Variants in PDE4B observed in about 807,000 individuals in gnomAD.
The protein encoded by PDE4B is phosphodiesterase 4B.
PDE4B carries 20 observed loss-of-function variants against 82.2 expected under a neutral mutation model. That is an observed-to-expected ratio of 0.24 (90% CI 0.17 to 0.35). The LOEUF (loss-of-function observed/expected upper bound fraction) is 0.35, where lower values mean the gene tolerates loss of function less well. PDE4B is among the 10% of genes least tolerant of loss of function. The pLI, the probability that PDE4B is intolerant of heterozygous loss-of-function variation, is 1.00. For synonymous variants in PDE4B, 320 were observed against 318.9 expected (o/e 1.00, Z -0.04); for missense variants, 655 against 907.2 (o/e 0.72, Z 3.57).
chr1:65,956,634 G>A (rs2100585271), intron 3 of PDE4B, among the ~76,000 whole-genome samples: 1 of 152,194 alleles, frequency 6.6e-6, no homozygotes, highest in East Asian at 1.9e-4. Context: ...AAATGTTCGC[G>A]AAATACGTGA....
chr1:66,269,575 A>G (rs1436058090), intron 7 of PDE4B, among the ~76,000 whole-genome samples: 1 of 152,242 alleles, frequency 6.6e-6, no homozygotes, highest in African/African-American at 2.4e-5. Context: ...TCACCTGTAC[A>G]TATTCACAAC....
At chr1:66,002,885 A>G (rs1651940920) in intron 3 of PDE4B, among the ~76,000 whole-genome samples, 1 of 152,306 alleles carries the variant, frequency 6.6e-6, no homozygotes, top group East Asian at 1.9e-4. Flanking sequence ...AATTTAAAAA[A>G]TATCTACCTA....
intron 1 of PDE4B, among the ~76,000 whole-genome samples, chr1:65,824,625 A>T (rs1645993383): frequency 6.7e-6 from 1 of 149,658 alleles, no homozygotes; most frequent in Non-Finnish European, 1.5e-5. Flanking sequence ...ATATATATAC[A>T]CATATATATT....
Position 66,372,485 on chromosome 1 carries a change from G to T in PDE4B, c.2018G>T (p.Gly673Val), listed in dbSNP as rs765556618. 3 of 1,614,014 alleles carry T rather than the reference G, an allele frequency of 1.9e-6. No homozygotes were observed. The East Asian group carries it at 6.7e-5, about 36-fold the overall frequency. The change falls in exon 17 of 17, where the codon GGT (glycine) becomes GTT (valine). Residue 673 changes from glycine to valine, a missense_variant. Around this residue, in one of 3 missense-constraint regions of PDE4B, gnomAD observed 119 missense variants for 115.2 expected, o/e 1.03. Coordinates refer to ENST00000341517, the MANE Select transcript of PDE4B (RefSeq NM_002600.4). The part of the protein sequence containing the change: ...PLDEQNRDCQ[G>V]LMEKFQFELT... ...GACGAGCAGAACAGGGACTGCCAGGGTCTGATGGAGAAGTTTCAGTTTGAA... is the reference window on the plus strand; with the variant it reads ...GACGAGCAGAACAGGGACTGCCAGGTTCTGATGGAGAAGTTTCAGTTTGAA...
chr1:66,265,703 T>C (rs1247276500), intron 6 of PDE4B, among the ~76,000 whole-genome samples: 1 of 152,208 alleles, frequency 6.6e-6, no homozygotes. Context: ...GCATTTCGAG[T>C]GATGCCTGAG....
At chr1:65,917,141 C>T (rs747891293) in intron 2 of PDE4B, among the ~76,000 whole-genome samples, 4 of 152,026 alleles carry the variant, frequency 2.6e-5, no homozygotes, top group Admixed American at 6.5e-5. Context: ...CCTCTTTTTG[C>T]TATTGTATCC....
chr1:66,300,553 C>G (rs12137115), intron 7 of PDE4B, among the ~76,000 whole-genome samples: 63,762 of 152,100 alleles, frequency 0.42, 15,716 homozygotes, highest in Non-Finnish European at 0.56. Flanking sequence ...GAGGATGGAC[C>G]AGAATCCACA....
In PDE4B at chr1:66,199,415, A is replaced by G. The variant is rs560153060; in HGVS notation, c.282-48045A>G. On this transcript the variant is annotated intron_variant, in intron 3 of 16. Transcript: ENST00000341517. ...TTGGCTGCATAAATGGCTTCTTTTG[A>G]GAAGTGTCTGTTCATATCCTTCGCC... 9.6e-3 allele frequency among the ~76,000 whole-genome samples: 1,464 copies of G among 152,196 alleles called. 22 individuals carry two copies. Among genetic ancestry groups the G allele is most frequent in the African/African-American group, 0.034 (1,401 of 41,506 alleles).
intron 1 of PDE4B, among the ~76,000 whole-genome samples, chr1:65,911,582 A>T (rs1569650176): frequency 6.6e-6 from 1 of 152,116 alleles, no homozygotes; most frequent in African/African-American, 2.4e-5. Flanking sequence ...ACCCTGATAA[A>T]ATATCTCTTG....
At chr1:65,825,139 C>T (rs1430971095) in intron 1 of PDE4B, among the ~76,000 whole-genome samples, 3 of 152,036 alleles carry the variant, frequency 2.0e-5, no homozygotes, top group Non-Finnish European at 4.4e-5. Context: ...CTGTTCTGGC[C>T]AAAGAAACTT....
intron 1 of PDE4B, among the ~76,000 whole-genome samples, chr1:65,910,793 T>G (rs1210270149): frequency 6.6e-6 from 1 of 152,134 alleles, no homozygotes; most frequent in Non-Finnish European, 1.5e-5. Flanking sequence ...CTCCATTGGC[T>G]GAACATACCC....
intron 3 of PDE4B, among the ~76,000 whole-genome samples, chr1:66,129,494 A>G (rs1352171005): frequency 6.6e-6 from 1 of 151,188 alleles, no homozygotes; most frequent in Admixed American, 6.6e-5. Context: ...CGTCTCTACT[A>G]AAAATACAAA....
In PDE4B at chr1:66,125,352, TG is replaced by T. The variant is rs948931694; in HGVS notation, c.282-122104del. 7.9e-5 allele frequency among the ~76,000 whole-genome samples: 12 copies of T among 152,112 alleles called. No individual in the cohort carries two copies. The South Asian group carries it at 1.5e-3, about 18-fold the overall frequency. The stretch of plus-strand genomic sequence containing the variant: ...CTAGTTTTTGTATTTTTAGTAGAGA[TG>T]GGGTTTCACCATGTTGGTCAGGCTG... On this transcript the variant is annotated intron_variant, in intron 3 of 16. Coordinates refer to ENST00000341517, the MANE Select transcript of PDE4B (RefSeq NM_002600.4).
chr1:66,125,051 C>T (rs1393084285), intron 3 of PDE4B, among the ~76,000 whole-genome samples: 1 of 150,636 alleles, frequency 6.6e-6, no homozygotes, highest in Middle Eastern at 3.4e-3. Flanking sequence ...AATTACCTTA[C>T]TATTTTTTTT....
At chr1:66,109,349 A>G (rs778500768) in intron 3 of PDE4B, among the ~76,000 whole-genome samples, 4 of 151,944 alleles carry the variant, frequency 2.6e-5, no homozygotes, top group Non-Finnish European at 5.9e-5. Context: ...ATTTTTTCAT[A>G]TAGAAGTAAT....
At chr1:66,253,877 TG>T (rs1653982490) in intron 4 of PDE4B, among the ~76,000 whole-genome samples, 1 of 152,236 alleles carries the variant, frequency 6.6e-6, no homozygotes, top group South Asian at 2.1e-4. Flanking sequence ...ATCCATTTTT[TG>T]CTTCTGAATG....
At chr1:65,877,126 G>A (rs1197865065) in intron 1 of PDE4B, among the ~76,000 whole-genome samples, 6 of 152,096 alleles carry the variant, frequency 3.9e-5, no homozygotes, top group East Asian at 1.9e-4. Context: ...ACAGCTGGAG[G>A]CATCATGCTA....
intron 3 of PDE4B, among the ~76,000 whole-genome samples, chr1:66,082,839 G>A (rs1656812933): frequency 6.6e-6 from 1 of 151,752 alleles, no homozygotes; most frequent in Admixed American, 6.6e-5. Context: ...ACTATGCTAG[G>A]CATCTGTGAA....
At chr1:66,194,270 C>T (rs1276492078) in intron 3 of PDE4B, among the ~76,000 whole-genome samples, 2 of 152,116 alleles carry the variant, frequency 1.3e-5, no homozygotes, top group East Asian at 1.9e-4. Flanking sequence ...AAGTCTTCAT[C>T]TTCTCAATTG....
Sources: gnomAD v4.1 joint callset for allele counts (sites outside exome capture counted in the v4.1 genomes callset) on GRCh38, gnomAD v4.1.1 for gene constraint, gnomAD v4.1.1 regional missense constraint, MANE v1.5 for transcripts, NCBI Gene and HGNC (gene_info 2026-07-23, HGNC 2026-07-21) for gene names.